The following ARHGAP44 variants were observed in gnomAD, a reference collection of about 807,000 sequenced individuals.
ARHGAP44 encodes Rho GTPase activating protein 44.
Under a neutral mutation model 106.8 loss-of-function variants are expected in ARHGAP44, and 43 were observed. The observed-to-expected ratio is 0.40, with a 90% CI of 0.32 to 0.52. The LOEUF is 0.52. Among genes scored for constraint, ARHGAP44 ranks in the 20% least tolerant of loss-of-function variants. ARHGAP44 has a pLI of 0.48. For synonymous variants in ARHGAP44, 439 were observed against 410.3 expected, an observed-to-expected ratio of 1.07 and a Z score of -0.85; for missense variants, 866 against 1,050.5, an observed-to-expected ratio of 0.82 and a Z score of 2.43.
At chr17:12,857,893 G>A (rs935007497) in intron 1 of ARHGAP44, among the ~76,000 whole-genome samples, 1 of 151,846 alleles carries the variant, frequency 6.6e-6, no homozygotes, top group African/African-American at 2.4e-5. Flanking sequence ...TGTCTGATTT[G>A]GGACAAGATC....
At chr17:12,851,822 G>C (rs192948176) in intron 1 of ARHGAP44, among the ~76,000 whole-genome samples, 3 of 152,124 alleles carry the variant, frequency 2.0e-5, no homozygotes, top group Admixed American at 6.5e-5. Context: ...AGTCATGAAC[G>C]CTTTTGTGTT....
intron 17 of ARHGAP44, chr17:12,973,705 G>T (rs1016172059): frequency 2.1e-6 from 1 of 475,798 alleles, no homozygotes; most frequent in Non-Finnish European, 3.7e-6. Context: ...GAGTGTCCCT[G>T]CCCCCCCAGT....
intron 12 of ARHGAP44, among the ~76,000 whole-genome samples, chr17:12,952,128 C>T (rs2039005490): frequency 6.6e-6 from 1 of 152,214 alleles, no homozygotes; most frequent in Non-Finnish European, 1.5e-5. Flanking sequence ...AAGCCATTTA[C>T]ATGATCTGTT....
At chr17:12,825,046 T>C (rs1235889316) in intron 1 of ARHGAP44, among the ~76,000 whole-genome samples, 1 of 152,072 alleles carries the variant, frequency 6.6e-6, no homozygotes, top group Non-Finnish European at 1.5e-5. Context: ...TTGATTACTA[T>C]CTTTTTTGAG....
At chr17:12,801,045 GT>G (rs894753118) in intron 1 of ARHGAP44, among the ~76,000 whole-genome samples, 67 of 152,132 alleles carry the variant, frequency 4.4e-4, no homozygotes, top group African/African-American at 3.9e-4. Flanking sequence ...CTTTCACTTT[GT>G]TTTTTTTATT....
intron 13 of ARHGAP44, among the ~76,000 whole-genome samples, chr17:12,953,799 A>T (rs989047513): frequency 3.9e-5 from 6 of 152,334 alleles, no homozygotes; most frequent in Middle Eastern, 6.8e-3. Flanking sequence ...GGAGTGGTCA[A>T]ACTCATAGAG....
intron 16 of ARHGAP44, among the ~76,000 whole-genome samples, chr17:12,965,747 G>C (rs2039375293): frequency 6.6e-6 from 1 of 152,142 alleles, no homozygotes; most frequent in South Asian, 2.1e-4. Context: ...CCCAAATTTA[G>C]TATATCACAA....
intron 1 of ARHGAP44, among the ~76,000 whole-genome samples, chr17:12,853,072 A>G (rs1178940409): frequency 6.6e-6 from 1 of 152,166 alleles, no homozygotes; most frequent in Non-Finnish European, 1.5e-5. Flanking sequence ...GAAGTCCCAC[A>G]ATAGGCTGTC....
At position 12,974,134 on chromosome 17, in the gene ARHGAP44, C is replaced by G; in HGVS notation, c.1587C>G (p.Gly529=). Residue 529 remains glycine (G), a synonymous_variant, in exon 18 of 21, where the codon GGC becomes GGG. Transcript: ENST00000379672. ...ACACAAACTGGGTGGCTCGAAGAGG[C>G]TCCTCGGCCGGTCGGAAAGTGTCCT... ...VMDTNWVARR[G]SSAGRKVSCA... 3 of 1,567,884 alleles carry G rather than the reference C, an allele frequency of 1.9e-6. No homozygotes were observed. Among genetic ancestry groups the G allele is most frequent in the South Asian group, 1.2e-5 (1 of 85,214 alleles).
At chr17:12,903,124 G>C (rs1258302625) in intron 3 of ARHGAP44, among the ~76,000 whole-genome samples, 7 of 80,374 alleles carry the variant, frequency 8.7e-5, no homozygotes, top group African/African-American at 3.8e-4. Flanking sequence ...GAGAGAGAGA[G>C]AGGAGAGAGA....
At chr17:12,843,294 C>T (rs1190701003) in intron 1 of ARHGAP44, among the ~76,000 whole-genome samples, 1 of 152,190 alleles carries the variant, frequency 6.6e-6, no homozygotes, top group Non-Finnish European at 1.5e-5. Context: ...CCATCTGTAC[C>T]TAGCTACCTT....
At chr17:12,913,082 G>A (rs2037788323) in intron 4 of ARHGAP44, among the ~76,000 whole-genome samples, 1 of 152,268 alleles carries the variant, frequency 6.6e-6, no homozygotes, top group Admixed American at 6.5e-5. Context: ...ATTGAGACAG[G>A]TCCAGGAGGG....
Position 12,919,834 on chromosome 17 carries a change from A to G in ARHGAP44, c.464+3A>G. On this transcript the variant is annotated splice_donor_region_variant and intron_variant, in intron 6 of 20. Transcript: ENST00000379672. ...GACATGGATTCCTCACGAACCAGGTAGAATCTCTTTACTTTCTTTTTTGCT... is the reference window on the plus strand; with the variant it reads ...GACATGGATTCCTCACGAACCAGGTGGAATCTCTTTACTTTCTTTTTTGCT... The G allele has an allele frequency of 6.2e-7, 1 of 1,610,972 alleles. No individual in the cohort carries two copies.
At chr17:12,969,957 T>C (rs2039484993) in intron 16 of ARHGAP44, among the ~76,000 whole-genome samples, 1 of 152,200 alleles carries the variant, frequency 6.6e-6, no homozygotes, top group South Asian at 2.1e-4. Flanking sequence ...TATTCCATGA[T>C]ACCATCTCAT....
intron 1 of ARHGAP44, among the ~76,000 whole-genome samples, chr17:12,812,993 A>G (rs1182509876): frequency 2.6e-5 from 4 of 152,238 alleles, no homozygotes; most frequent in Non-Finnish European, 4.4e-5. Flanking sequence ...TCCCATGCAC[A>G]CATGCAAGGG....
intron 1 of ARHGAP44, among the ~76,000 whole-genome samples, chr17:12,804,963 C>A (rs1161704827): frequency 1.3e-5 from 2 of 152,078 alleles, no homozygotes; most frequent in Non-Finnish European, 2.9e-5. Context: ...AATCTGGTGT[C>A]CACTATATCT....
intron 1 of ARHGAP44, among the ~76,000 whole-genome samples, chr17:12,885,324 GGT>G (rs146415425): frequency 0.14 from 20,412 of 148,004 alleles, 1,979 homozygotes; most frequent in East Asian, 0.34. Context: ...TCACAGAGTA[GGT>G]GTGTGTGTGT....
intron 1 of ARHGAP44, among the ~76,000 whole-genome samples, chr17:12,828,516 G>A (rs1490308432): frequency 6.6e-6 from 1 of 151,656 alleles, no homozygotes; most frequent in Non-Finnish European, 1.5e-5. Flanking sequence ...GAAATTGATA[G>A]GCTGTTACAT....
chr17:12,799,905 A>G (rs1354053095), intron 1 of ARHGAP44, among the ~76,000 whole-genome samples: 1 of 152,208 alleles, frequency 6.6e-6, no homozygotes, highest in Non-Finnish European at 1.5e-5. Context: ...CTAGGATTAC[A>G]GGTGTGAGCC....
Sources: allele counts gnomAD v4.1 joint callset (sites outside exome capture counted in the v4.1 genomes callset), GRCh38; gene constraint gnomAD v4.1.1; transcripts MANE v1.5; gene names NCBI Gene and HGNC (gene_info 2026-07-23, HGNC 2026-07-21).